The following CDK14 variants were observed in gnomAD, a reference collection of about 807,000 sequenced individuals.
CDK14 encodes the protein cyclin dependent kinase 14, also known as cyclin-dependent kinase 14.
Under a neutral mutation model 60.7 loss-of-function variants are expected in CDK14, and 34 were observed. That is an observed-to-expected ratio of 0.56 (90% CI 0.43 to 0.75). The LOEUF (loss-of-function observed/expected upper bound fraction) is 0.75. Among genes scored for constraint, CDK14 ranks in the 30% least tolerant of loss-of-function variants. The pLI, the probability that CDK14 is intolerant of heterozygous loss-of-function variation, is 0.00. For synonymous variants in CDK14, 197 were observed against 203.7 expected, an observed-to-expected ratio of 0.97 and a Z score of 0.28; for missense variants, 482 against 564.1, an observed-to-expected ratio of 0.85 and a Z score of 1.47.
intron 11 of CDK14, among the ~76,000 whole-genome samples, chr7:91,069,910 C>T (rs1798087594): frequency 6.6e-6 from 1 of 152,190 alleles, no homozygotes; most frequent in African/African-American, 2.4e-5. Context: ...GATCCTCCCA[C>T]ATTAGCCTCC....
intron 2 of CDK14, among the ~76,000 whole-genome samples, chr7:90,634,893 G>A (rs1800099830): frequency 1.3e-5 from 2 of 152,000 alleles, no homozygotes; most frequent in Non-Finnish European, 2.9e-5. Context: ...GTGATGATGA[G>A]CATTTTTTCA....
At chr7:90,692,022 C>A (rs73218734) in intron 2 of CDK14, among the ~76,000 whole-genome samples, 1 of 151,926 alleles carries the variant, frequency 6.6e-6, no homozygotes, top group African/African-American at 2.4e-5. Flanking sequence ...TTTCTACATA[C>A]ATAAGTTGTC....
chr7:90,731,953 T>A (rs1802883120), intron 3 of CDK14, among the ~76,000 whole-genome samples: 1 of 152,232 alleles, frequency 6.6e-6, no homozygotes. Context: ...TTTTGCTTAT[T>A]CAGTATGATA....
chr7:90,850,679 T>C (rs1790620745), intron 5 of CDK14, among the ~76,000 whole-genome samples: 1 of 152,154 alleles, frequency 6.6e-6, no homozygotes, highest in African/African-American at 2.4e-5. Context: ...AAGCACCATA[T>C]GGCTGGAGTT....
chr7:90,840,332 G>T (rs1337223769), intron 5 of CDK14, among the ~76,000 whole-genome samples: 1 of 152,194 alleles, frequency 6.6e-6, no homozygotes, highest in Non-Finnish European at 1.5e-5. Flanking sequence ...CTTGTTATTT[G>T]ATCCATAAAG....
chr7:91,062,450 C>T (rs996113851), intron 11 of CDK14, among the ~76,000 whole-genome samples: 11 of 152,052 alleles, frequency 7.2e-5, no homozygotes, highest in Admixed American at 6.6e-5. Context: ...GAACCTGGTA[C>T]CTCAGTTGGA....
intron 2 of CDK14, among the ~76,000 whole-genome samples, chr7:90,661,780 C>T (rs1216778745): frequency 6.6e-6 from 1 of 152,114 alleles, no homozygotes; most frequent in Non-Finnish European, 1.5e-5. Flanking sequence ...ACTTGAAGGT[C>T]TAGGAGGTTA....
At chr7:90,693,652 T>C (rs2116592564) in intron 2 of CDK14, among the ~76,000 whole-genome samples, 1 of 152,312 alleles carries the variant, frequency 6.6e-6, no homozygotes, top group South Asian at 2.1e-4. Flanking sequence ...TTCATTGGCC[T>C]CAGTGGATTC....
chr7:90,902,493 C>T (rs1426725183), intron 7 of CDK14, among the ~76,000 whole-genome samples: 1 of 152,080 alleles, frequency 6.6e-6, no homozygotes. Context: ...GTGTCAAGGA[C>T]ATACTTTGGG....
chr7:91,093,130 A>G (rs1266957516), intron 12 of CDK14, among the ~76,000 whole-genome samples: 1 of 152,226 alleles, frequency 6.6e-6, no homozygotes, highest in East Asian at 1.9e-4. Context: ...AGCAGATTTC[A>G]GTTTGATACT....
intron 2 of CDK14, among the ~76,000 whole-genome samples, chr7:90,655,690 A>G (rs1419946112): frequency 2.0e-5 from 3 of 152,228 alleles, no homozygotes; most frequent in African/African-American, 7.2e-5. Context: ...ATGCATATCT[A>G]GAGTATGAAC....
chr7:91,182,806 T>G (rs943401028), intron 14 of CDK14, among the ~76,000 whole-genome samples: 3 of 152,172 alleles, frequency 2.0e-5, no homozygotes, highest in African/African-American at 4.8e-5. Flanking sequence ...ATATAAGAGA[T>G]TCATATTAGA....
intron 10 of CDK14, among the ~76,000 whole-genome samples, chr7:90,987,776 C>CTAT (rs1412260157): frequency 6.6e-6 from 1 of 151,974 alleles, no homozygotes; most frequent in Non-Finnish European, 1.5e-5. Context: ...GGAGGAATGA[C>CTAT]TATTAAATAG....
intron 2 of CDK14, among the ~76,000 whole-genome samples, chr7:90,619,051 G>A (rs987256605): frequency 5.3e-5 from 8 of 152,162 alleles, no homozygotes; most frequent in African/African-American, 1.7e-4. Flanking sequence ...TGTTTGGGAA[G>A]CATTTAACAT....
intron 2 of CDK14, among the ~76,000 whole-genome samples, chr7:90,645,994 TGG>T (rs1186879383): frequency 6.6e-6 from 1 of 152,230 alleles, no homozygotes; most frequent in Non-Finnish European, 1.5e-5. Context: ...CTGACATTTA[TGG>T]GTGGAGTCTG....
intron 4 of CDK14, among the ~76,000 whole-genome samples, chr7:90,758,207 T>G (rs969547650): frequency 6.6e-6 from 1 of 152,206 alleles, no homozygotes; most frequent in Non-Finnish European, 1.5e-5. Flanking sequence ...TTTTTGTTTT[T>G]TGATCAGTGT....
chr7:91,135,359 C>A (rs2115570449), intron 14 of CDK14, among the ~76,000 whole-genome samples: 2 of 152,212 alleles, frequency 1.3e-5, no homozygotes, highest in Non-Finnish European at 2.9e-5. Flanking sequence ...TAGTTAATTA[C>A]AAGTAAATGA....
chr7:90,665,490 A>T (rs1277926517), intron 2 of CDK14, among the ~76,000 whole-genome samples: 4 of 152,152 alleles, frequency 2.6e-5, no homozygotes, highest in Non-Finnish European at 1.5e-5. Context: ...TTAAAAAGCA[A>T]ATCCCCAGTA....
At chr7:91,175,111 G>A (rs1488889770) in intron 14 of CDK14, among the ~76,000 whole-genome samples, 39 of 147,970 alleles carry the variant, frequency 2.6e-4, no homozygotes, top group South Asian at 1.3e-3. Flanking sequence ...CGGATCTCTC[G>A]GCAGAAACCC....
Sources: gnomAD v4.1 joint callset for allele counts (sites outside exome capture counted in the v4.1 genomes callset) on GRCh38, gnomAD v4.1.1 for gene constraint, MANE v1.5 for transcripts, NCBI Gene and HGNC (gene_info 2026-07-23, HGNC 2026-07-21) for gene names.